The following CNPY3 variants were observed in gnomAD, a reference collection of about 807,000 sequenced individuals.
CNPY3 encodes protein canopy homolog 3.
Under a neutral mutation model 32.0 loss-of-function variants are expected in CNPY3, and 20 were observed. The ratio of observed to expected loss-of-function variants is 0.63; its 90% CI spans 0.44 to 0.91. CNPY3 has a LOEUF of 0.91. Ranked by LOEUF, CNPY3 falls within the 40% of genes least tolerant of loss-of-function variation. The probability of loss-of-function intolerance (pLI) is 0.00; values close to 1 mark genes in which losing one functional copy is unlikely to be tolerated. For synonymous variants in CNPY3, 138 were observed against 142.9 expected, an observed-to-expected ratio of 0.97 and a Z score of 0.24; for missense variants, 299 against 340.8, an observed-to-expected ratio of 0.88 and a Z score of 0.97.
In CNPY3 at chr6:42,938,597, A is replaced by G. The variant is rs1768396109; in HGVS notation, c.643A>G (p.Lys215Glu). 6.2e-7 allele frequency: 1 copy of G among 1,601,490 alleles called. No individual in the cohort carries two copies. The highest frequency in any genetic ancestry group is 1.1e-5 in the South Asian group (1 of 89,144). ...SCLAEQWSGK[K>E]GDTAALGGKK... ...CCTGGCAGAGCAGTGGTCCGGCAAGAAGGGAGACACAGCTGCCCTGGGAGG... is the reference window on the plus strand; with the variant it reads ...CCTGGCAGAGCAGTGGTCCGGCAAGGAGGGAGACACAGCTGCCCTGGGAGG... Residue 215 changes from lysine (K) to glutamate (E), a missense_variant, in exon 6 of 6, where the codon AAG (lysine) becomes GAG (glutamate). Physicochemically the swap from Lys to Glu is moderately conservative, Grantham distance 56. Coordinates refer to ENST00000372836, the MANE Select transcript of CNPY3 (RefSeq NM_006586.5).
In CNPY3 at chr6:42,938,795, C is replaced by T; in HGVS notation, c.*4C>T. 6.3e-7 allele frequency: 1 copy of T among 1,588,934 alleles called. No homozygotes were observed. Among genetic ancestry groups the T allele is most frequent in the South Asian group, 1.1e-5 (1 of 88,146 alleles). ...CAGCCCCCCTGATGAGCTCTGAGCC[C>T]ACCCAGCATCCTCTGTCCTGAGACC... On this transcript the variant is annotated 3_prime_UTR_variant, in exon 6 of 6. Coordinates refer to ENST00000372836, the MANE Select transcript of CNPY3 (RefSeq NM_006586.5).
rs1768367514 is a variant in CNPY3, at chr6:42,938,178, C to T, written c.584C>T (p.Ala195Val). The part of the protein sequence containing the change: ...QEEDLTEFLC[A>V]NHVLKGKDTS... ...GAAGACCTGACTGAATTCCTCTGCG[C>T]CAACCACGTGCTGAAGGGAAAAGAC... Residue 195 changes from alanine (A) to valine (V), a missense_variant, in exon 5 of 6, where the codon GCC becomes GTC. Ala to Val is a moderately conservative substitution (Grantham distance 64). Around this residue, in one of 2 missense-constraint regions of CNPY3, gnomAD observed 211 missense variants for 278.3 expected, o/e 0.76. Coordinates refer to ENST00000372836, the MANE Select transcript of CNPY3 (RefSeq NM_006586.5). 3 of 1,613,912 alleles carry T rather than the reference C, an allele frequency of 1.9e-6. No individual in the cohort carries two copies. The highest frequency in any genetic ancestry group is 1.3e-5 in the African/African-American group (1 of 74,922).
chr6:42,929,543 T>G lies in CNPY3; in HGVS notation c.-28T>G, dbSNP rs749701522. 5.7e-5 allele frequency: 89 copies of G among 1,550,316 alleles called. No individual in the cohort carries two copies. The highest frequency in any genetic ancestry group is 7.2e-5 in the Non-Finnish European group (83 of 1,146,480). On this transcript the variant is annotated 5_prime_UTR_variant, in exon 1 of 6. Coordinates refer to ENST00000372836, the MANE Select transcript of CNPY3 (RefSeq NM_006586.5). ...CGCCGCGGGAGGAGGAACCGCCCGG[T>G]CCTTTAGGGTCCGGGCCCGGCCGGG...
chr6:42,936,827 C>T (rs1768271347), intron 3 of CNPY3, among the ~76,000 whole-genome samples: 1 of 152,188 alleles, frequency 6.6e-6, no homozygotes, highest in African/African-American at 2.4e-5. Context: ...TGAGCCACTG[C>T]ACCCAGCCCT....
intron 2 of CNPY3, among the ~76,000 whole-genome samples, chr6:42,935,088 G>C (rs1581710537): frequency 6.6e-6 from 1 of 152,132 alleles, no homozygotes; most frequent in Non-Finnish European, 1.5e-5. Context: ...GGCTGGTCTC[G>C]AACTCCTGAC....
intron 3 of CNPY3, 61 bp downstream of exon 3, chr6:42,935,731 T>G (rs1391808907): frequency 3.2e-6 from 5 of 1,542,232 alleles, no homozygotes; most frequent in African/African-American, 2.7e-5. Flanking sequence ...TCTTAGTGTG[T>G]CTGCTGGTGT....
At chr6:42,935,021 C>T (rs572328882) in intron 2 of CNPY3, among the ~76,000 whole-genome samples, 5 of 152,212 alleles carry the variant, frequency 3.3e-5, no homozygotes, top group East Asian at 3.9e-4. Context: ...TGTGCCATCA[C>T]GCCCAGCTAA....
upstream of CNPY3, among the ~76,000 whole-genome samples, chr6:42,928,510 C>T (rs1444317190): frequency 1.3e-5 from 2 of 151,594 alleles, no homozygotes; most frequent in Non-Finnish European, 2.9e-5. Context: ...TCTCCAACTC[C>T]TGGGCTCAGG....
chr6:42,933,299 T>C (rs527426775), intron 1 of CNPY3, among the ~76,000 whole-genome samples: 2 of 152,302 alleles, frequency 1.3e-5, no homozygotes, highest in East Asian at 3.9e-4. Context: ...TAGTTATTTG[T>C]CTACACCTTT....
At chr6:42,928,522 G>A (rs994658490), upstream of CNPY3, among the ~76,000 whole-genome samples, 2 of 151,414 alleles carry the variant, frequency 1.3e-5, no homozygotes, top group Non-Finnish European at 2.9e-5. Context: ...GGGCTCAGGT[G>A]ATCCTTCCGC....
At chr6:42,936,426 A>C (rs1341859800) in intron 3 of CNPY3, among the ~76,000 whole-genome samples, 1 of 152,222 alleles carries the variant, frequency 6.6e-6, no homozygotes, top group East Asian at 1.9e-4. Context: ...CTCTACCAAT[A>C]GGGGATTAAA....
Position 42,935,957 on chromosome 6 carries a change from G to C in CNPY3, c.372+287G>C, listed in dbSNP as rs188470024. ...GTGGGAACCTAAAGACACTAGAACG[G>C]GGAGAACTCAGCAAGATCCACGATG... On this transcript the variant is annotated intron_variant, in intron 3 of 5. Transcript: ENST00000372836. Among the ~76,000 whole-genome samples the C allele has an allele frequency of 3.3e-5, 5 of 150,518 alleles. No individual in the cohort carries two copies. In the East Asian group the frequency reaches 9.7e-4, roughly 29 times the overall value.
chr6:42,938,042 C>A (rs765781390), intron 4 of CNPY3, 48 bp from the exon 5 acceptor site: 3 of 1,550,420 alleles, frequency 1.9e-6, no homozygotes, highest in South Asian at 1.1e-5. Context: ...CCTCTAGGAG[C>A]GAGTCAGGTG....
At chr6:42,929,016 G>A (rs1203737615), upstream of CNPY3, among the ~76,000 whole-genome samples, 2 of 152,042 alleles carry the variant, frequency 1.3e-5, no homozygotes, top group African/African-American at 2.4e-5. Context: ...GCCTACAAGA[G>A]TGCCCGGCTA....
upstream of CNPY3, among the ~76,000 whole-genome samples, chr6:42,928,821 A>G (rs1051631488): frequency 1.3e-5 from 2 of 152,210 alleles, no homozygotes; most frequent in Non-Finnish European, 2.9e-5. Context: ...CTATTAACCT[A>G]TTTGAGCTTC....
chr6:42,935,978 C>T (rs181188429), intron 3 of CNPY3, among the ~76,000 whole-genome samples: 8 of 150,722 alleles, frequency 5.3e-5, no homozygotes, highest in East Asian at 1.9e-4. Context: ...GCAAGATCCA[C>T]GATGTGCAGA....
intron 1 of CNPY3, among the ~76,000 whole-genome samples, chr6:42,933,440 G>A (rs1016842265): frequency 6.6e-6 from 1 of 152,194 alleles, no homozygotes; most frequent in Non-Finnish European, 1.5e-5. Context: ...AAATAAATGT[G>A]CGGAGACAGT....
chr6:42,939,264 T>A lies in CNPY3; in HGVS notation c.*473T>A, dbSNP rs1768446243. On this transcript the variant is annotated 3_prime_UTR_variant, in exon 6 of 6. Transcript: ENST00000372836. ...AAGAGTAAAAATGTTCTGGTTCTGA[T>A]TTCTGAGTCCTCTGCAGCCCTCAGA... 5.1e-6 allele frequency: 5 copies of A among 987,014 alleles called. No individual in the cohort carries two copies. In the South Asian group the frequency reaches 1.9e-4, roughly 37 times the overall value. 61.1% of individuals were successfully genotyped at this position (987,014 alleles called of 1,614,324 possible).
intron 2 of CNPY3, among the ~76,000 whole-genome samples, chr6:42,934,995 G>C (rs1408027167): frequency 2.0e-5 from 3 of 152,154 alleles, no homozygotes. Flanking sequence ...CTCCCAAGTA[G>C]CTGGGATTAC....
Sources: gnomAD v4.1 joint callset for allele counts (sites outside exome capture counted in the v4.1 genomes callset) on GRCh38, gnomAD v4.1.1 for gene constraint, gnomAD v4.1.1 regional missense constraint, MANE v1.5 for transcripts, NCBI Gene and HGNC (gene_info 2026-07-23, HGNC 2026-07-21) for gene names.